GLYATL2: variants seen among roughly 807,000 people sequenced by gnomAD.
GLYATL2 encodes glycine N-acyltransferase-like protein 2.
In GLYATL2, 25 loss-of-function variants were observed where a neutral mutation model predicts 21.4. That is an observed-to-expected ratio of 1.17 (90% CI 0.85 to 1.63). The LOEUF is 1.63. Among genes scored for constraint, GLYATL2 ranks in the 40% most tolerant of loss-of-function variants. The pLI is 0.00. For synonymous variants in GLYATL2, 114 were observed against 118.2 expected (o/e 0.96, Z 0.23); for missense variants, 361 against 343.3 (o/e 1.05, Z -0.41).
chr11:58,876,872 G>T (rs980302840), intron 1 of GLYATL2, among the ~76,000 whole-genome samples: 4 of 152,252 alleles, frequency 2.6e-5, no homozygotes, highest in African/African-American at 9.6e-5. Flanking sequence ...GTTTTTCTGT[G>T]TCCTGCCCTC....
chr11:58,855,391 A>T (rs1392102437), intron 1 of GLYATL2, among the ~76,000 whole-genome samples: 9 of 152,190 alleles, frequency 5.9e-5, no homozygotes, highest in Non-Finnish European at 8.8e-5. Flanking sequence ...TTTTTATAAG[A>T]ATATATTTTT....
upstream of GLYATL2, among the ~76,000 whole-genome samples, chr11:58,904,834 C>T (rs565316868): frequency 6.6e-6 from 1 of 152,228 alleles, no homozygotes; most frequent in South Asian, 2.1e-4. Flanking sequence ...ACATAAACAT[C>T]TGTCCTTCTA....
intron 1 of GLYATL2, among the ~76,000 whole-genome samples, chr11:58,870,208 C>T (rs575414224): frequency 2.6e-5 from 4 of 152,230 alleles, no homozygotes; most frequent in Admixed American, 2.6e-4. Flanking sequence ...AAGGAGACCT[C>T]ATTGAGCAGG....
chr11:58,850,827 A>G (rs557895), intron 1 of GLYATL2, among the ~76,000 whole-genome samples: 134,880 of 152,048 alleles, frequency 0.89, 60,989 homozygotes, highest in Non-Finnish European at 0.98. Context: ...AGGCCCACCC[A>G]CAGTTATCTG....
intron 1 of GLYATL2, among the ~76,000 whole-genome samples, chr11:58,866,885 A>C (rs1346090087): frequency 6.7e-6 from 1 of 149,356 alleles, no homozygotes; most frequent in African/African-American, 2.4e-5. Flanking sequence ...TGTCCTCAGA[A>C]TCCTAGGAAG....
At chr11:58,891,768 G>A (rs1854548229) in intron 1 of GLYATL2, among the ~76,000 whole-genome samples, 1 of 152,144 alleles carries the variant, frequency 6.6e-6, no homozygotes, top group Admixed American at 6.5e-5. Flanking sequence ...GGTTACGTGG[G>A]GCACAGTATA....
chr11:58,868,044 GCAAGC>G (rs1854050999), intron 1 of GLYATL2, among the ~76,000 whole-genome samples: 1 of 148,704 alleles, frequency 6.7e-6, no homozygotes, highest in Non-Finnish European at 1.5e-5. Flanking sequence ...TAAGAAACTG[GCAAGC>G]TCAGCAGCCC....
At chr11:58,835,230 G>C (rs1853408469) in intron 5 of GLYATL2, among the ~76,000 whole-genome samples, 1 of 152,126 alleles carries the variant, frequency 6.6e-6, no homozygotes, top group East Asian at 1.9e-4. Flanking sequence ...TGCATCACAA[G>C]ATATCTAAAT....
upstream of GLYATL2, among the ~76,000 whole-genome samples, chr11:58,847,915 G>T (rs1489396935): frequency 6.6e-6 from 1 of 151,448 alleles, no homozygotes; most frequent in Non-Finnish European, 1.5e-5. Flanking sequence ...GCCTGATCTA[G>T]CACAGTCATA....
chr11:58,858,479 A>C (rs962424749), intron 1 of GLYATL2, among the ~76,000 whole-genome samples: 1 of 151,998 alleles, frequency 6.6e-6, no homozygotes, highest in African/African-American at 2.4e-5. Context: ...AAAAAAAAAA[A>C]AAATTGGATC....
chr11:58,881,403 T>C (rs2134611967), intron 1 of GLYATL2, among the ~76,000 whole-genome samples: 1 of 152,366 alleles, frequency 6.6e-6, no homozygotes, highest in Middle Eastern at 3.4e-3. Context: ...GAATTCTGAA[T>C]GTTATTTCAA....
chr11:58,880,530 A>G (rs1399088331), intron 1 of GLYATL2, among the ~76,000 whole-genome samples: 1 of 152,178 alleles, frequency 6.6e-6, no homozygotes, highest in Non-Finnish European at 1.5e-5. Context: ...AAAACTTACA[A>G]AATTTTTACC....
At chr11:58,868,528 C>A (rs1479590126) in intron 1 of GLYATL2, among the ~76,000 whole-genome samples, 2 of 149,118 alleles carry the variant, frequency 1.3e-5, no homozygotes, top group African/African-American at 4.8e-5. Context: ...CTACAGCATC[C>A]AATTCAGCTG....
chr11:58,838,219 T>A lies in GLYATL2; in HGVS notation c.186+42A>T, dbSNP rs370375902. The stretch of plus-strand genomic sequence containing the variant: ...CCCTCATTGCCATGCAGAGAACGTC[T>A]GGAGAGTGACTACCCTCATATTCAG... On this transcript the variant is annotated intron_variant, in intron 3 of 5. Coordinates refer to ENST00000287275, the MANE Select transcript of GLYATL2 (RefSeq NM_145016.4). 3.1e-4 allele frequency: 401 copies of A among 1,297,322 alleles called. 4 individuals carry two copies. In the Middle Eastern group the frequency reaches 5.0e-3, roughly 16 times the overall value. The allele number at this position is 1,297,322 out of a possible 1,614,324, so 80.4% of individuals were successfully genotyped here.
chr11:58,861,930 G>A (rs944629820), intron 1 of GLYATL2, among the ~76,000 whole-genome samples: 1 of 152,026 alleles, frequency 6.6e-6, no homozygotes, highest in African/African-American at 2.4e-5. Context: ...ATTATGACAT[G>A]CTTTGTGTCC....
chr11:58,865,576 TG>T (rs1209121892), intron 1 of GLYATL2, among the ~76,000 whole-genome samples: 1 of 149,168 alleles, frequency 6.7e-6, no homozygotes, highest in Non-Finnish European at 1.5e-5. Flanking sequence ...TCTGGGTTCT[TG>T]TCTCAGTTTT....
chr11:58,893,839 G>A (rs1418002066), intron 1 of GLYATL2, among the ~76,000 whole-genome samples: 1 of 152,132 alleles, frequency 6.6e-6, no homozygotes, highest in Admixed American at 6.5e-5. Context: ...TGTCAATAAA[G>A]TACACCTAAT....
chr11:58,877,462 T>A (rs1854257635), intron 1 of GLYATL2, among the ~76,000 whole-genome samples: 1 of 152,116 alleles, frequency 6.6e-6, no homozygotes. Context: ...CCAGATGGGA[T>A]CACCAGGGGG....
chr11:58,843,332 G>A (rs558378832), intron 1 of GLYATL2, among the ~76,000 whole-genome samples: 2 of 152,298 alleles, frequency 1.3e-5, no homozygotes, highest in South Asian at 4.1e-4. Context: ...GAAACAGTTA[G>A]GGTTTAAATG....
Sources: gnomAD v4.1 joint callset for allele counts (sites outside exome capture counted in the v4.1 genomes callset) on GRCh38, gnomAD v4.1.1 for gene constraint, MANE v1.5 for transcripts, NCBI Gene and HGNC (gene_info 2026-07-23, HGNC 2026-07-21) for gene names.